PHLDB2: variants seen among roughly 807,000 people sequenced by gnomAD.
PHLDB2 encodes the protein pleckstrin homology like domain family B member 2, also known as pleckstrin homology-like domain family B member 2.
In PHLDB2, 71 loss-of-function variants were observed where a neutral mutation model predicts 123.6. The ratio of observed to expected loss-of-function variants is 0.57; its 90% CI spans 0.47 to 0.70. The LOEUF is 0.70. PHLDB2 is among the 30% of genes least tolerant of loss of function. The pLI, the probability that PHLDB2 is intolerant of heterozygous loss-of-function variation, is 0.00. For synonymous variants in PHLDB2, 547 were observed against 541.6 expected (o/e 1.01, Z -0.14); for missense variants, 1,446 against 1,519.5 (o/e 0.95, Z 0.80).
intron 1 of PHLDB2, among the ~76,000 whole-genome samples, chr3:111,770,694 T>A (rs2060160929): frequency 6.6e-6 from 1 of 152,216 alleles, no homozygotes; most frequent in South Asian, 2.1e-4. Flanking sequence ...ATGAAATGAC[T>A]TCTCCAATAT....
intron 1 of PHLDB2, among the ~76,000 whole-genome samples, chr3:111,765,058 G>T (rs2060057059): frequency 6.6e-6 from 1 of 152,194 alleles, no homozygotes; most frequent in African/African-American, 2.4e-5. Context: ...GTTCCAGTTT[G>T]CCTTTGTTAA....
chr3:111,893,233 CT>C (rs77407830), intron 2 of PHLDB2, among the ~76,000 whole-genome samples: 4,624 of 141,646 alleles, frequency 0.033, 66 homozygotes, highest in Non-Finnish European at 0.042. Context: ...TAGTATTAAT[CT>C]TTTTTTTTTT....
At chr3:111,825,219 T>C (rs949934495) in intron 1 of PHLDB2, among the ~76,000 whole-genome samples, 1 of 152,084 alleles carries the variant, frequency 6.6e-6, no homozygotes, top group Non-Finnish European at 1.5e-5. Context: ...ATACAAAAGG[T>C]TGTGACTTTG....
At chr3:111,933,372 A>G (rs1398657031) in intron 6 of PHLDB2, among the ~76,000 whole-genome samples, 1 of 152,218 alleles carries the variant, frequency 6.6e-6, no homozygotes, top group Non-Finnish European at 1.5e-5. Context: ...TTGAGATAGC[A>G]CATCCTTAAA....
intron 1 of PHLDB2, chr3:111,859,795 G>T (rs1352928355): frequency 1.0e-6 from 1 of 985,472 alleles, no homozygotes; most frequent in East Asian, 1.1e-4. Flanking sequence ...GCTCACGGAG[G>T]GAGACAGGGT....
intron 1 of PHLDB2, among the ~76,000 whole-genome samples, chr3:111,778,878 T>C (rs2060315357): frequency 6.6e-6 from 1 of 152,130 alleles, no homozygotes; most frequent in South Asian, 2.1e-4. Flanking sequence ...TTCTGTCATC[T>C]AATCCACTCT....
chr3:111,785,866 C>A (rs2060660617), intron 1 of PHLDB2, among the ~76,000 whole-genome samples: 1 of 151,874 alleles, frequency 6.6e-6, no homozygotes, highest in South Asian at 2.1e-4. Flanking sequence ...AAGAAGAATT[C>A]AAAAAATGTT....
intron 1 of PHLDB2, among the ~76,000 whole-genome samples, chr3:111,745,992 C>A (rs751173615): frequency 5.1e-4 from 77 of 152,104 alleles, no homozygotes; most frequent in Non-Finnish European, 8.2e-4. Flanking sequence ...GAGTGCTTAC[C>A]CCACATGGTT....
rs1243191649 is a variant in PHLDB2 at position 111,974,681 on chromosome 3, CA to C, written c.*119del. The C allele has an allele frequency of 4.8e-6, 5 of 1,031,006 alleles. No homozygotes were observed. In the African/African-American group the frequency reaches 8.2e-5, roughly 17 times the overall value. The allele number at this position is 1,031,006 out of a possible 1,614,324, so 63.9% of individuals were successfully genotyped here. On this transcript the variant is annotated 3_prime_UTR_variant, in exon 18 of 18. Transcript: ENST00000431670. ...ATCCATCCCTTGAGCTGTAAACACT[CA>C]GAACTCCTTTCATATCAAGACAAGT...
intron 5 of PHLDB2, among the ~76,000 whole-genome samples, chr3:111,929,319 T>A (rs1031060796): frequency 5.9e-5 from 9 of 152,194 alleles, no homozygotes; most frequent in African/African-American, 1.2e-4. Flanking sequence ...GAATATTTTT[T>A]AAAAAGTTAT....
chr3:111,917,721 G>A (rs1276124062), intron 3 of PHLDB2: 2 of 152,160 alleles, frequency 1.3e-5, no homozygotes, highest in African/African-American at 2.4e-5. Flanking sequence ...ATGCTGAATC[G>A]TTGAATCACT....
intron 1 of PHLDB2, among the ~76,000 whole-genome samples, chr3:111,818,175 T>TGTGTGC (rs1340143420): frequency 1.3e-5 from 2 of 151,314 alleles, no homozygotes; most frequent in African/African-American, 4.9e-5. Flanking sequence ...GGTGTGTGTG[T>TGTGTGC]GTGTGTGTGT....
intron 1 of PHLDB2, among the ~76,000 whole-genome samples, chr3:111,796,667 G>C (rs2061173720): frequency 6.6e-6 from 1 of 152,238 alleles, no homozygotes; most frequent in Admixed American, 6.5e-5. Context: ...CTGAGTAGCT[G>C]GGATTACAGG....
intron 1 of PHLDB2, among the ~76,000 whole-genome samples, chr3:111,801,284 C>G (rs997835540): frequency 2.6e-4 from 39 of 152,258 alleles, no homozygotes; most frequent in Admixed American, 8.5e-4. Flanking sequence ...TTGAAATAAC[C>G]CACAGTCCTG....
At chr3:111,796,833 C>T (rs563945302) in intron 1 of PHLDB2, among the ~76,000 whole-genome samples, 5 of 152,300 alleles carry the variant, frequency 3.3e-5, no homozygotes, top group Admixed American at 3.3e-4. Flanking sequence ...ATTTTAAAAA[C>T]ACAAATCAGA....
intron 13 of PHLDB2, among the ~76,000 whole-genome samples, chr3:111,962,602 T>C (rs369165421): frequency 2.0e-5 from 3 of 152,326 alleles, no homozygotes; most frequent in Admixed American, 6.5e-5. Context: ...CTTCTGTTGG[T>C]TAGCTCTAAG....
At chr3:111,893,101 C>CCA (rs34060464) in intron 2 of PHLDB2, among the ~76,000 whole-genome samples, 7 of 151,676 alleles carry the variant, frequency 4.6e-5, no homozygotes, top group African/African-American at 1.7e-4. Context: ...ACCACCCCCC[C>CCA]AAAATAAGTT....
chr3:111,919,603 G>A (rs2107527146), intron 4 of PHLDB2, among the ~76,000 whole-genome samples: 1 of 152,272 alleles, frequency 6.6e-6, no homozygotes, highest in African/African-American at 2.4e-5. Context: ...TATCACATTG[G>A]CACCATGATG....
At chr3:111,834,191 TGTA>T (rs1366687995) in intron 1 of PHLDB2, among the ~76,000 whole-genome samples, 18 of 101,096 alleles carry the variant, frequency 1.8e-4, no homozygotes, top group African/African-American at 6.1e-4. Context: ...ATATTATATA[TGTA>T]ATAGAATTAT....
Sources: allele counts gnomAD v4.1 joint callset (sites outside exome capture counted in the v4.1 genomes callset), GRCh38; gene constraint gnomAD v4.1.1; transcripts MANE v1.5; gene names NCBI Gene and HGNC (gene_info 2026-07-23, HGNC 2026-07-21).